Variants in MYO18B observed in about 807,000 individuals in gnomAD.
MYO18B encodes the protein myosin XVIIIB.
MYO18B carries 204 observed loss-of-function variants against 273.0 expected under a neutral mutation model. That is an observed-to-expected ratio of 0.75 (90% CI 0.67 to 0.84). The LOEUF is 0.84. Among genes scored for constraint, MYO18B ranks in the 40% least tolerant of loss-of-function variants. MYO18B has a pLI of 0.00. For synonymous variants in MYO18B, 1,330 were observed against 1,305.7 expected, an observed-to-expected ratio of 1.02 and a Z score of -0.40; for missense variants, 3,212 against 3,287.6, an observed-to-expected ratio of 0.98 and a Z score of 0.56.
At position 25,770,196 on chromosome 22, in the gene MYO18B, C is replaced by T. The variant is rs777407458; in HGVS notation, c.1579+20C>T. On this transcript the variant is annotated intron_variant, in intron 5 of 43. Transcript: ENST00000335473. Reference sequence around the variant, plus strand: ...CTCTTGGTAAGTAGGGGTGTTAGCACCTTTGGAGGGTCTGAGTCTTCTCCT... The same window carrying T: ...CTCTTGGTAAGTAGGGGTGTTAGCATCTTTGGAGGGTCTGAGTCTTCTCCT... The T allele has an allele frequency of 2.9e-5, 46 of 1,612,678 alleles. No individual in the cohort carries two copies. The highest frequency in any genetic ancestry group is 3.9e-5 in the Non-Finnish European group (46 of 1,178,868).
At position 25,910,628 on chromosome 22, in the gene MYO18B, A is replaced by T. The variant is rs1363675781; in HGVS notation, c.5260-318A>T. On this transcript the variant is annotated intron_variant, in intron 32 of 43. Coordinates refer to ENST00000335473, the MANE Select transcript of MYO18B (RefSeq NM_032608.7). ...AGAGCCTTTAAAAATCAAAGTGCAA[A>T]GGTTTGCAAATATTCAGCAGTGGCC... is the stretch of plus-strand genomic sequence containing the variant. Among the ~76,000 whole-genome samples the T allele has an allele frequency of 5.9e-5, 9 of 152,222 alleles. No homozygotes were observed. In the South Asian group the frequency reaches 1.2e-3, roughly 21 times the overall value.
chr22:25,933,388 C>G lies in MYO18B; in HGVS notation c.5517+11979C>G, dbSNP rs140516923. On this transcript the variant is annotated intron_variant, in intron 34 of 43. Coordinates refer to ENST00000335473, the MANE Select transcript of MYO18B (RefSeq NM_032608.7). ...TTGCAGTAAAGCCAGTTCTCAAAAGCCAACTGGTGGTTTTAGCAGAAAGGG... is the reference window on the plus strand; with the variant it reads ...TTGCAGTAAAGCCAGTTCTCAAAAGGCAACTGGTGGTTTTAGCAGAAAGGG... 6.6e-4 allele frequency among the ~76,000 whole-genome samples: 100 copies of G among 152,284 alleles called. No individual in the cohort carries two copies. The East Asian group carries it at 0.018, about 27-fold the overall frequency.
chr22:25,754,308 G>A (rs2086039357), intron 1 of MYO18B, among the ~76,000 whole-genome samples: 2 of 152,352 alleles, frequency 1.3e-5, no homozygotes, highest in African/African-American at 4.8e-5. Flanking sequence ...GTGCTTGGAA[G>A]GGCGTATCCT....
intron 25 of MYO18B, 38 bp from the exon 26 acceptor site, chr22:25,890,718 G>C: frequency 6.2e-7 from 1 of 1,610,348 alleles, no homozygotes; most frequent in South Asian, 1.1e-5. Flanking sequence ...TGGCTCCATC[G>C]AGTGACCGTT....
chr22:25,781,652 TG>T, intron 9 of MYO18B, 81 bp from the exon 10 acceptor site: 1 of 726,696 alleles, frequency 1.4e-6, no homozygotes, highest in Non-Finnish European at 2.0e-6. Flanking sequence ...GGCACCCCAA[TG>T]GGGCTTCTGG....
intron 39 of MYO18B, among the ~76,000 whole-genome samples, chr22:25,990,993 A>G (rs934573129): frequency 5.9e-5 from 9 of 151,438 alleles, no homozygotes; most frequent in African/African-American, 2.2e-4. Context: ...CATGAGTGTT[A>G]TTTGCATAGA....
intron 40 of MYO18B, among the ~76,000 whole-genome samples, chr22:25,996,571 G>T (rs1478271257): frequency 1.3e-5 from 2 of 152,158 alleles, no homozygotes; most frequent in Non-Finnish European, 2.9e-5. Context: ...GTGTGTGTGT[G>T]TGTATGTGTG....
At position 25,780,129 on chromosome 22, in the gene MYO18B, C is replaced by T. The variant is rs376333075; in HGVS notation, c.2142C>T (p.Ala714=). The change falls in exon 9 of 44, where the codon GCC becomes GCT. Residue 714 remains alanine, a synonymous_variant. Coordinates refer to ENST00000335473, the MANE Select transcript of MYO18B (RefSeq NM_032608.7). ...GSVSMAHSRS[A]TRFSMVMSLD... Reference sequence around the variant, plus strand: ...TGTCCATGGCCCACAGCCGCAGTGCCACCCGGTTCTCCATGGTGATGTCGC... The same window carrying T: ...TGTCCATGGCCCACAGCCGCAGTGCTACCCGGTTCTCCATGGTGATGTCGC... 230 of 1,605,112 alleles carry T rather than the reference C, an allele frequency of 1.4e-4. No homozygotes were observed. Among genetic ancestry groups the T allele is most frequent in the Middle Eastern group, 1.2e-3 (7 of 6,078 alleles).
intron 10 of MYO18B, 39 bp from the exon 11 acceptor site, chr22:25,785,389 G>A: frequency 5.7e-6 from 9 of 1,577,688 alleles, no homozygotes; most frequent in Non-Finnish European, 6.9e-6. Context: ...GGCTGGTGTG[G>A]ACAGCCCCCC....
At chr22:25,925,316 G>A (rs540206657) in intron 34 of MYO18B, among the ~76,000 whole-genome samples, 3 of 152,114 alleles carry the variant, frequency 2.0e-5, no homozygotes, top group East Asian at 1.9e-4. Flanking sequence ...GTTCTGGGGG[G>A]AACCATAGGC....
At chr22:25,911,171 A>G in intron 33 of MYO18B, 121 bp downstream of exon 33, 1 of 734,628 alleles carries the variant, frequency 1.4e-6, no homozygotes, top group Non-Finnish European at 2.3e-6. Flanking sequence ...TTCCCACCAT[A>G]TTCACTGGCT....
At chr22:25,908,286 G>C (rs1205974613) in intron 31 of MYO18B, 36 bp from the exon 32 acceptor site, 2 of 1,512,056 alleles carry the variant, frequency 1.3e-6, no homozygotes. Context: ...AGTTAGAGTG[G>C]GTCACCCTCA....
intron 16 of MYO18B, among the ~76,000 whole-genome samples, chr22:25,833,748 A>G (rs1435354471): frequency 6.6e-6 from 1 of 152,166 alleles, no homozygotes; most frequent in Admixed American, 6.5e-5. Context: ...GTGAATATCA[A>G]TGAGATATTG....
At chr22:25,918,034 T>C (rs1322528011) in intron 33 of MYO18B, among the ~76,000 whole-genome samples, 2 of 152,248 alleles carry the variant, frequency 1.3e-5, no homozygotes, top group Admixed American at 1.3e-4. Context: ...GGATTCTAAA[T>C]GAGGTCTATA....
At position 25,843,757 on chromosome 22, in the gene MYO18B, T is replaced by C; in HGVS notation, c.3231T>C (p.Cys1077=). Residue 1077 remains cysteine (C), a synonymous_variant, in exon 18 of 44, where the codon TGT becomes TGC. Transcript: ENST00000335473. ...CAGGGTCCTCTGCCCTGCGGACCTG[T>C]GAGCAGCCCCTCCAGTGTGAGATTT... The part of the protein sequence containing the change: ...GTEGSSALRT[C]EQPLQCEIFH... 1.2e-6 allele frequency: 2 copies of C among 1,613,736 alleles called. No homozygotes were observed. The highest frequency in any genetic ancestry group is 1.7e-6 in the Non-Finnish European group (2 of 1,179,676).
At chr22:25,970,020 A>G (rs114921896) in intron 39 of MYO18B, among the ~76,000 whole-genome samples, 6,788 of 151,904 alleles carry the variant, frequency 0.045, 506 homozygotes, top group African/African-American at 0.15. Context: ...CTTTTCCACC[A>G]TTCCCACCAT....
chr22:26,054,714 C>A, the MYO18B span, among the ~76,000 whole-genome samples: 2 of 152,078 alleles, frequency 1.3e-5, no homozygotes, highest in African/African-American at 4.8e-5. Flanking sequence ...CTCACAGAGC[C>A]CAGAGAAAGA....
At position 25,903,717 on chromosome 22, in the gene MYO18B, G is replaced by C. The variant is rs780536648; in HGVS notation, c.5034G>C (p.Leu1678=). The stretch of plus-strand genomic sequence containing the variant: ...GGGAGCTGCTGGGGTCACCCTCTCT[G>C]GGGGAAAATTGCGTTGCTGGCTTGA... ...HKRELLGSPS[L]GENCVAGLKE... Residue 1678 remains leucine, a synonymous_variant, in exon 31 of 44, where the codon CTG becomes CTC. Transcript: ENST00000335473. 6.2e-6 allele frequency: 10 copies of C among 1,608,366 alleles called. No individual in the cohort carries two copies. The Admixed American group carries it at 1.7e-4, about 27-fold the overall frequency.
chr22:25,765,034 G>A (rs939206695), intron 3 of MYO18B, among the ~76,000 whole-genome samples: 24 of 152,110 alleles, frequency 1.6e-4, no homozygotes, highest in African/African-American at 5.3e-4. Context: ...ACAGAGACCT[G>A]GGGGAAAGGG....
Sources: gnomAD v4.1 joint callset for allele counts (sites outside exome capture counted in the v4.1 genomes callset) on GRCh38, gnomAD v4.1.1 for gene constraint, MANE v1.5 for transcripts, NCBI Gene and HGNC (gene_info 2026-07-23, HGNC 2026-07-21) for gene names.